Variants in CSMD1 observed in about 807,000 individuals in gnomAD.
The protein encoded by CSMD1 is CUB and sushi domain-containing protein 1.
Under a neutral mutation model 417.5 loss-of-function variants are expected in CSMD1, and 213 were observed. The ratio of observed to expected loss-of-function variants is 0.51; its 90% CI spans 0.46 to 0.57. The LOEUF (loss-of-function observed/expected upper bound fraction) is 0.57, where lower values mean the gene tolerates loss of function less well. Ranked by LOEUF, CSMD1 falls within the 20% of genes least tolerant of loss-of-function variation. The pLI, the probability that CSMD1 is intolerant of heterozygous loss-of-function variation, is 0.00. For missense variants in CSMD1, 6,923 were observed against 4,529.7 expected, an observed-to-expected ratio of 1.53 and a Z score of -15.17; for synonymous variants, 2,862 against 1,736.8, an observed-to-expected ratio of 1.65 and a Z score of -16.11.
chr8:3,457,134 G>T (rs560002591), intron 12 of CSMD1, among the ~76,000 whole-genome samples: 1 of 150,036 alleles, frequency 6.7e-6, no homozygotes, highest in East Asian at 2.0e-4. Context: ...CTCTCCTCCC[G>T]TACTCGTCAC....
intron 3 of CSMD1, among the ~76,000 whole-genome samples, chr8:4,348,693 T>C (rs374298345): frequency 2.0e-5 from 3 of 151,676 alleles, no homozygotes; most frequent in African/African-American, 7.3e-5. Context: ...CATATCCGCT[T>C]AAGTGAATTT....
rs1420352173 is a variant in CSMD1, at chr8:4,236,026, G to GCTTTTTTTTTTTTTTTTTTTTTTTT, written c.415+183926_415+183927insAAAAAAAAAAAAAAAAAAAAAAAAG. ...GTGAGCAAAGAGGTTAATGGATATT[G>GCTTTTTTTTTTTTTTTTTTTTTTTT]TTTTTTTTGTTTGTTTTTTTTTTTT... On this transcript the variant is annotated intron_variant, in intron 3 of 69. Coordinates refer to ENST00000635120, the MANE Select transcript of CSMD1 (RefSeq NM_033225.6). Among the ~76,000 whole-genome samples, 2 of 108,086 alleles carry GCTTTTTTTTTTTTTTTTTTTTTTTT rather than the reference G, an allele frequency of 1.9e-5. 1 individual carries two copies. 70.9% of individuals were successfully genotyped at this position (108,086 alleles called of 152,430 possible).
chr8:3,784,402 ACTG>A (rs1799335879), intron 5 of CSMD1, among the ~76,000 whole-genome samples: 2 of 152,196 alleles, frequency 1.3e-5, no homozygotes, highest in Non-Finnish European at 2.9e-5. Flanking sequence ...CCCAGAAATA[ACTG>A]CTGTTAGTAT....
chr8:3,933,743 G>C (rs2688267), intron 5 of CSMD1, among the ~76,000 whole-genome samples: 55,797 of 152,052 alleles, frequency 0.37, 10,817 homozygotes, highest in East Asian at 0.47. Context: ...AAGGAGAAAT[G>C]AGGTGAGATT....
At chr8:4,633,671 C>T (rs555364545) in intron 2 of CSMD1, among the ~76,000 whole-genome samples, 1 of 152,258 alleles carries the variant, frequency 6.6e-6, no homozygotes, top group South Asian at 2.1e-4. Context: ...ATTCTCCTGC[C>T]TCAGCCTCCC....
chr8:3,267,524 G>C (rs912399884), intron 26 of CSMD1, among the ~76,000 whole-genome samples: 5 of 152,172 alleles, frequency 3.3e-5, no homozygotes, highest in Non-Finnish European at 7.3e-5. Context: ...CCAGAGGAGA[G>C]AATCCAGGCA....
rs1237274142 is a variant in CSMD1 at position 4,805,391 on chromosome 8, A to T, written c.86-167833T>A. 2.0e-5 allele frequency among the ~76,000 whole-genome samples: 3 copies of T among 152,276 alleles called. 1 individual carries two copies. The highest frequency in any genetic ancestry group is 2.0e-4 in the Admixed American group (3 of 15,290). The stretch of plus-strand genomic sequence containing the variant: ...CTTATTCTCATGGTGATCTAATGTG[A>T]TAAATTATTTCTTGGTCTTCATGTG... On this transcript the variant is annotated intron_variant, in intron 1 of 69. Coordinates refer to ENST00000635120, the MANE Select transcript of CSMD1 (RefSeq NM_033225.6).
intron 13 of CSMD1, 108 bp downstream of exon 13, chr8:3,409,315 T>C (rs747954338): frequency 9.2e-5 from 96 of 1,043,152 alleles, no homozygotes; most frequent in Non-Finnish European, 1.1e-4. Flanking sequence ...CCCCGAGCCA[T>C]TCTGAAAGCT....
At position 3,656,620 on chromosome 8, in the gene CSMD1, G is replaced by A. The variant is rs148734708; in HGVS notation, c.1010-39823C>T. On this transcript the variant is annotated intron_variant, in intron 7 of 69. Transcript: ENST00000635120. ...CTCTCCTTTCTTCCTTGCTGGTGCAGCTGTCTTTCTATTACAAAGGCTTTA... is the reference window on the plus strand; with the variant it reads ...CTCTCCTTTCTTCCTTGCTGGTGCAACTGTCTTTCTATTACAAAGGCTTTA... Among the ~76,000 whole-genome samples, 357 of 152,248 alleles carry A rather than the reference G, an allele frequency of 2.3e-3. 1 individual carries two copies. Among genetic ancestry groups the A allele is most frequent in the African/African-American group, 8.3e-3 (344 of 41,552 alleles).
rs78376417 is a variant in CSMD1, at chr8:4,850,779, G to A, written c.85+143553C>T. On this transcript the variant is annotated intron_variant, in intron 1 of 69. Transcript: ENST00000635120. The stretch of plus-strand genomic sequence containing the variant: ...TTTTCTTTCAACCCCAAACCTAGTG[G>A]CTTGCCTATTATTTTACCCAAACTG... Among the ~76,000 whole-genome samples the A allele has an allele frequency of 0.011, 1,642 of 152,026 alleles. 69 individuals are homozygous for A. In the East Asian group the frequency reaches 0.16, roughly 15 times the overall value.
intron 3 of CSMD1, among the ~76,000 whole-genome samples, chr8:4,348,226 T>C (rs985538847): frequency 2.6e-5 from 4 of 152,104 alleles, no homozygotes; most frequent in East Asian, 1.9e-4. Context: ...AAATTCACAA[T>C]GCATACTAAG....
intron 12 of CSMD1, among the ~76,000 whole-genome samples, chr8:3,424,249 A>G (rs1377659094): frequency 6.6e-6 from 1 of 152,186 alleles, no homozygotes; most frequent in Non-Finnish European, 1.5e-5. Context: ...CCATGATTCA[A>G]TTAGAGTTTA....
chr8:3,899,093 C>G (rs1178354113), intron 5 of CSMD1, among the ~76,000 whole-genome samples: 2 of 152,150 alleles, frequency 1.3e-5, no homozygotes, highest in African/African-American at 2.4e-5. Context: ...GGGTTCATCT[C>G]TAGTTTTAAT....
intron 10 of CSMD1, among the ~76,000 whole-genome samples, chr8:3,542,350 C>G (rs1216267552): frequency 1.3e-5 from 2 of 152,134 alleles, no homozygotes; most frequent in Admixed American, 6.5e-5. Flanking sequence ...ATCTTCAATT[C>G]TGAAGATAGG....
At position 3,108,555 on chromosome 8, in the gene CSMD1, AC is replaced by A. The variant is rs775376328; in HGVS notation, c.6754+47del. 195 of 1,598,004 alleles carry A rather than the reference AC, an allele frequency of 1.2e-4. 1 individual carries two copies. The East Asian group carries it at 4.3e-3, about 35-fold the overall frequency. ...GGCGTGGGACAACACTGCAGGAAAC[AC>A]CACATGGAATTCTCAGTCTTAACTA... On this transcript the variant is annotated intron_variant, in intron 44 of 69. Coordinates refer to ENST00000635120, the MANE Select transcript of CSMD1 (RefSeq NM_033225.6).
intron 27 of CSMD1, among the ~76,000 whole-genome samples, chr8:3,225,953 C>A (rs918547671): frequency 6.6e-6 from 1 of 152,328 alleles, no homozygotes; most frequent in East Asian, 1.9e-4. Flanking sequence ...CTATTCTTTT[C>A]GACCCACCAA....
chr8:4,753,402 ACCACACACACACACAC>A (rs1811465940), intron 1 of CSMD1, among the ~76,000 whole-genome samples: 1 of 97,780 alleles, frequency 1.0e-5, no homozygotes, highest in Admixed American at 9.6e-5. Context: ...TCCACCATAA[ACCACACACACACACAC>A]ACACACACAC....
At chr8:3,411,276 T>C (rs191876059) in intron 12 of CSMD1, among the ~76,000 whole-genome samples, 1 of 152,316 alleles carries the variant, frequency 6.6e-6, no homozygotes, top group African/African-American at 2.4e-5. Flanking sequence ...TTTAGAATTC[T>C]TCATGGGCTT....
intron 3 of CSMD1, among the ~76,000 whole-genome samples, chr8:4,393,715 A>T (rs1804016730): frequency 6.6e-6 from 1 of 152,194 alleles, no homozygotes; most frequent in Admixed American, 6.6e-5. Context: ...CCAGGAGCAG[A>T]CCTTGAAAAT....
Sources: allele counts gnomAD v4.1 joint callset (sites outside exome capture counted in the v4.1 genomes callset), GRCh38; gene constraint gnomAD v4.1.1; transcripts MANE v1.5; gene names NCBI Gene and HGNC (gene_info 2026-07-23, HGNC 2026-07-21).